Variants in TNR observed in about 807,000 individuals in gnomAD.
The protein encoded by TNR is tenascin R, also known as tenascin-R.
In TNR, 45 loss-of-function variants were observed where a neutral mutation model predicts 150.4. That is an observed-to-expected ratio of 0.30 (90% CI 0.24 to 0.38). The LOEUF is 0.38. Among genes scored for constraint, TNR ranks in the 10% least tolerant of loss-of-function variants. The pLI, the probability that TNR is intolerant of heterozygous loss-of-function variation, is 1.00. For missense variants in TNR, 1,544 were observed against 1,759.1 expected (o/e 0.88, Z 2.19); for synonymous variants, 687 against 678.4 (o/e 1.01, Z -0.20).
chr1:175,488,692 A>G lies in TNR; in HGVS notation c.-64+39577T>C, dbSNP rs896137099. The stretch of plus-strand genomic sequence containing the variant: ...CCCCAGCTGCCACCGAAGTTCTACT[A>G]TGGGCTAGTGCACATGTCACTTAAG... On this transcript the variant is annotated intron_variant, in intron 2 of 22. Transcript: ENST00000367674. 2.0e-5 allele frequency among the ~76,000 whole-genome samples: 3 copies of G among 152,208 alleles called. No homozygotes were observed. The South Asian group carries it at 6.2e-4, about 31-fold the overall frequency.
intron 15 of TNR, 117 bp downstream of exon 15, chr1:175,359,495 C>T (rs896801380): frequency 1.3e-5 from 20 of 1,541,596 alleles, no homozygotes; most frequent in Middle Eastern, 2.3e-4. Flanking sequence ...GAAGTAGGAA[C>T]TTTTCTAATC....
At chr1:175,436,705 AC>A (rs1446329781) in intron 2 of TNR, among the ~76,000 whole-genome samples, 1 of 152,160 alleles carries the variant, frequency 6.6e-6, no homozygotes, top group Admixed American at 6.5e-5. Context: ...CAAATGGAAA[AC>A]CAAAAAAAGG....
In TNR at chr1:175,743,578, G is replaced by C. The variant is rs1030054094; in HGVS notation, c.-517C>G. The C allele has an allele frequency of 2.7e-5, 4 of 150,714 alleles. No homozygotes were observed. The highest frequency in any genetic ancestry group is 4.4e-5 in the Non-Finnish European group (3 of 67,964). The allele number at this position is 150,714 out of a possible 1,614,324, so 9.3% of individuals were successfully genotyped here. ...TTGAGCCAACAGCCTTAGCACAGTC[G>C]GTTCCTGCCTCTGACGTGAAAGAGA... On this transcript the variant is annotated 5_prime_UTR_variant, in exon 1 of 23. Coordinates refer to ENST00000367674, the MANE Select transcript of TNR (RefSeq NM_003285.3).
rs1039434597 is a variant in TNR, at chr1:175,497,270, A to G, written c.-64+30999T>C. Among the ~76,000 whole-genome samples, 14 of 152,128 alleles carry G rather than the reference A, an allele frequency of 9.2e-5. 1 individual carries two copies. In the East Asian group the frequency reaches 2.3e-3, roughly 25 times the overall value. ...GTTTGGCGTGGGAGCAGAATCCGCT[A>G]ACTCTGAGAGATCATGTGCTCCTCC... On this transcript the variant is annotated intron_variant, in intron 2 of 22. Transcript: ENST00000367674.
At chr1:175,575,465 C>T (rs1662064442) in intron 1 of TNR, among the ~76,000 whole-genome samples, 1 of 152,172 alleles carries the variant, frequency 6.6e-6, no homozygotes, top group African/African-American at 2.4e-5. Context: ...CTCATCTCTA[C>T]CCTCAGCCTG....
intron 1 of TNR, among the ~76,000 whole-genome samples, chr1:175,705,574 T>C (rs1666826243): frequency 6.6e-6 from 1 of 152,038 alleles, no homozygotes; most frequent in African/African-American, 2.4e-5. Flanking sequence ...GTGTGATGTG[T>C]GTACCTATGT....
intron 1 of TNR, among the ~76,000 whole-genome samples, chr1:175,594,422 A>G (rs1042574123): frequency 2.0e-5 from 3 of 152,192 alleles, no homozygotes; most frequent in East Asian, 3.8e-4. Context: ...TCCCTTATCA[A>G]TATGGGTCTA....
chr1:175,525,394 T>C (rs190389122), intron 2 of TNR, among the ~76,000 whole-genome samples: 201 of 152,348 alleles, frequency 1.3e-3, no homozygotes, highest in African/African-American at 4.6e-3. Flanking sequence ...AGGTTTGGCA[T>C]AGAGTCAAAC....
chr1:175,443,125 CA>C (rs759897054), intron 2 of TNR, among the ~76,000 whole-genome samples: 68 of 152,252 alleles, frequency 4.5e-4, no homozygotes, highest in Non-Finnish European at 7.1e-4. Flanking sequence ...GAAAAAGCCC[CA>C]TAAAGTCATT....
chr1:175,477,823 T>C (rs1355003750), intron 2 of TNR, among the ~76,000 whole-genome samples: 3 of 152,234 alleles, frequency 2.0e-5, no homozygotes, highest in Non-Finnish European at 2.9e-5. Flanking sequence ...AGGTTCCCTG[T>C]CCATTCTATC....
At position 175,393,132 on chromosome 1, in the gene TNR, C is replaced by A. The variant is rs144045827; in HGVS notation, c.1356+648G>T. Among the ~76,000 whole-genome samples the A allele has an allele frequency of 9.2e-4, 140 of 152,168 alleles. 1 individual carries two copies. The highest frequency in any genetic ancestry group is 3.2e-3 in the African/African-American group (132 of 41,504). ...CTGGAAATTTAGAGCCAGGCATACA[C>A]CTGTGGCAATTCGGAAAAGTTAGTT... On this transcript the variant is annotated intron_variant, in intron 6 of 22. Coordinates refer to ENST00000367674, the MANE Select transcript of TNR (RefSeq NM_003285.3).
intron 2 of TNR, among the ~76,000 whole-genome samples, chr1:175,427,097 A>G (rs1034616154): frequency 6.6e-5 from 10 of 150,488 alleles, no homozygotes; most frequent in African/African-American, 2.4e-4. Flanking sequence ...GACCTGCACA[A>G]TGCCATGCAT....
chr1:175,337,806 G>T (rs1051341199), intron 18 of TNR, 127 bp from the exon 19 acceptor site: 1 of 1,098,856 alleles, frequency 9.1e-7, no homozygotes, highest in African/African-American at 1.6e-5. Flanking sequence ...AATCCTCAAC[G>T]GAGCTCAAGG....
chr1:175,464,535 C>T (rs182270151), intron 2 of TNR, among the ~76,000 whole-genome samples: 9 of 152,296 alleles, frequency 5.9e-5, no homozygotes, highest in Admixed American at 2.0e-4. Context: ...TGTAATAGCA[C>T]CCAGAACATA....
At chr1:175,671,382 G>C (rs1157991940) in intron 1 of TNR, among the ~76,000 whole-genome samples, 1 of 152,226 alleles carries the variant, frequency 6.6e-6, no homozygotes, top group Non-Finnish European at 1.5e-5. Flanking sequence ...AGCTGGCCAT[G>C]CTGAGGAGCA....
chr1:175,596,700 G>C (rs1207178039), intron 1 of TNR, among the ~76,000 whole-genome samples: 2 of 152,146 alleles, frequency 1.3e-5, no homozygotes, highest in East Asian at 3.9e-4. Context: ...TCAAACATTA[G>C]AAACTTGCCA....
At chr1:175,359,804 GT>G in intron 14 of TNR, 73 bp from the exon 15 acceptor site, 1 of 1,530,282 alleles carries the variant, frequency 6.5e-7, no homozygotes, top group Non-Finnish European at 8.8e-7. Context: ...GATCTCAGAA[GT>G]TCCACTCATG....
At chr1:175,520,224 G>A (rs529849788) in intron 2 of TNR, among the ~76,000 whole-genome samples, 2 of 152,314 alleles carry the variant, frequency 1.3e-5, no homozygotes, top group South Asian at 4.1e-4. Context: ...GTCCTAGGCT[G>A]AACATTTGAT....
chr1:175,335,682 A>T (rs200444153), intron 20 of TNR, 29 bp downstream of exon 20: 2 of 1,596,600 alleles, frequency 1.3e-6, no homozygotes, highest in Non-Finnish European at 1.7e-6. Flanking sequence ...AGAGAAGCAC[A>T]TCAATGGAAA....
Sources: gnomAD v4.1 joint callset for allele counts (sites outside exome capture counted in the v4.1 genomes callset) on GRCh38, gnomAD v4.1.1 for gene constraint, MANE v1.5 for transcripts, NCBI Gene and HGNC (gene_info 2026-07-23, HGNC 2026-07-21) for gene names.